The following IGF2BP2 variants were observed in gnomAD, a reference collection of about 807,000 sequenced individuals.
IGF2BP2 encodes the protein insulin-like growth factor 2 mRNA-binding protein 2.
Under a neutral mutation model 75.8 loss-of-function variants are expected in IGF2BP2, and 17 were observed. The observed-to-expected ratio is 0.22, with a 90% CI of 0.15 to 0.34. The LOEUF (loss-of-function observed/expected upper bound fraction) is 0.34. Among genes scored for constraint, IGF2BP2 ranks in the 10% least tolerant of loss-of-function variants. IGF2BP2 has a pLI of 1.00. For missense variants in IGF2BP2, 516 were observed against 772.4 expected (o/e 0.67, Z 3.93); for synonymous variants, 288 against 295.6 (o/e 0.97, Z 0.26).
chr3:185,663,861 A>G (rs1375664975), intron 10 of IGF2BP2, among the ~76,000 whole-genome samples: 1 of 152,170 alleles, frequency 6.6e-6, no homozygotes, highest in African/African-American at 2.4e-5. Context: ...CTTGGTCATG[A>G]TGAATGGTCT....
chr3:185,786,066 C>T (rs1054440552), intron 2 of IGF2BP2, among the ~76,000 whole-genome samples: 6 of 148,302 alleles, frequency 4.0e-5, no homozygotes, highest in Non-Finnish European at 7.4e-5. Flanking sequence ...TATCGCTCCC[C>T]TAATGAGCTA....
intron 2 of IGF2BP2, among the ~76,000 whole-genome samples, chr3:185,715,299 A>C (rs1483221376): frequency 6.6e-6 from 1 of 152,214 alleles, no homozygotes; most frequent in African/African-American, 2.4e-5. Context: ...GAAAGGCAAG[A>C]GAGCAGGCTG....
At position 185,753,944 on chromosome 3, in the gene IGF2BP2, C is replaced by A. The variant is rs9833714; in HGVS notation, c.240-55597G>T. ...TGATGCCAGGTGCAGTGGCTCACAC[C>A]TGTAATCCCAGCACTTTGGGAGGCT... is the stretch of plus-strand genomic sequence containing the variant. On this transcript the variant is annotated intron_variant, in intron 2 of 15. Transcript: ENST00000382199. 7.1e-3 allele frequency among the ~76,000 whole-genome samples: 1,086 copies of A among 152,168 alleles called. 17 individuals carry two copies. Among genetic ancestry groups the A allele is most frequent in the African/African-American group, 0.024 (980 of 41,508 alleles).
At chr3:185,751,876 T>C (rs1312454918) in intron 2 of IGF2BP2, among the ~76,000 whole-genome samples, 1 of 151,642 alleles carries the variant, frequency 6.6e-6, no homozygotes, top group Non-Finnish European at 1.5e-5. Context: ...GGCAGGAGAA[T>C]GGCAGGAACC....
intron 2 of IGF2BP2, among the ~76,000 whole-genome samples, chr3:185,803,829 T>C (rs796951166): frequency 7.2e-5 from 11 of 152,340 alleles, no homozygotes; most frequent in African/African-American, 2.6e-4. Context: ...ATAAGCTATT[T>C]AAACACATTT....
At chr3:185,679,028 GTC>G (rs1379411284) in intron 7 of IGF2BP2, among the ~76,000 whole-genome samples, 1 of 152,120 alleles carries the variant, frequency 6.6e-6, no homozygotes, top group Non-Finnish European at 1.5e-5. Flanking sequence ...TCTAAAAGGA[GTC>G]TCTTGTAGGC....
At chr3:185,805,582 T>C (rs66513933) in intron 2 of IGF2BP2, among the ~76,000 whole-genome samples, 49,191 of 151,796 alleles carry the variant, frequency 0.32, 8,505 homozygotes, top group African/African-American at 0.45. Context: ...AGAAAAAAAG[T>C]TGTTGAGGAA....
At chr3:185,812,262 T>C (rs947193764) in intron 2 of IGF2BP2, among the ~76,000 whole-genome samples, 1 of 152,174 alleles carries the variant, frequency 6.6e-6, no homozygotes. Flanking sequence ...CAAAAACTTG[T>C]TTTCGATGAA....
chr3:185,794,466 G>T (rs1737068909), intron 2 of IGF2BP2, among the ~76,000 whole-genome samples: 1 of 70,658 alleles, frequency 1.4e-5, no homozygotes, highest in Admixed American at 1.1e-4. Flanking sequence ...CAGCCCAATG[G>T]GGGATCACAG....
chr3:185,691,279 G>A (rs1721919108), intron 5 of IGF2BP2, among the ~76,000 whole-genome samples: 1 of 150,380 alleles, frequency 6.6e-6, no homozygotes, highest in African/African-American at 2.5e-5. Flanking sequence ...TGTATTTTTA[G>A]TAGAGATGGG....
chr3:185,762,561 A>G (rs1732525042), intron 2 of IGF2BP2, among the ~76,000 whole-genome samples: 1 of 151,688 alleles, frequency 6.6e-6, no homozygotes, highest in Non-Finnish European at 1.5e-5. Flanking sequence ...AAGAAAAAGA[A>G]AAAGAGACAC....
At chr3:185,646,795 C>A (rs1013240603) in intron 15 of IGF2BP2, 3 of 556,540 alleles carry the variant, frequency 5.4e-6, no homozygotes, top group African/African-American at 3.8e-5. Flanking sequence ...ACTCTTCACT[C>A]TTCCCCAAGC....
At chr3:185,744,595 G>A (rs1729998998) in intron 2 of IGF2BP2, among the ~76,000 whole-genome samples, 1 of 152,098 alleles carries the variant, frequency 6.6e-6, no homozygotes, top group South Asian at 2.1e-4. Flanking sequence ...ATCACTTGAG[G>A]CCAGGAGTTT....
chr3:185,742,818 C>T (rs755277973), intron 2 of IGF2BP2, among the ~76,000 whole-genome samples: 2 of 152,118 alleles, frequency 1.3e-5, no homozygotes, highest in African/African-American at 4.8e-5. Flanking sequence ...AACTGCATTG[C>T]GGCCAGGCAC....
At chr3:185,657,761 T>C (rs532955802) in intron 11 of IGF2BP2, among the ~76,000 whole-genome samples, 20 of 152,334 alleles carry the variant, frequency 1.3e-4, no homozygotes, top group African/African-American at 4.6e-4. Flanking sequence ...TAAACATACC[T>C]GGCCTGAAGA....
intron 2 of IGF2BP2, among the ~76,000 whole-genome samples, chr3:185,783,853 T>C (rs796251375): frequency 3.5e-4 from 53 of 152,324 alleles, no homozygotes; most frequent in African/African-American, 1.2e-3. Flanking sequence ...AGCAAACATA[T>C]AGTAGAGTAC....
rs35121167 is a variant in IGF2BP2 at position 185,804,992 on chromosome 3, C to CAA, written c.239+18159_239+18160dup. On this transcript the variant is annotated intron_variant, in intron 2 of 15. Transcript: ENST00000382199. Reference sequence around the variant, plus strand: ...TGGGTGACAGAGCAAGACTCCGTCTCAAAAAAAAAAAAAAAAATTACAGTC... The same window carrying CAA: ...TGGGTGACAGAGCAAGACTCCGTCTCAAAAAAAAAAAAAAAAAAATTACAGTC... 3.9e-3 allele frequency among the ~76,000 whole-genome samples: 449 copies of CAA among 114,560 alleles called. 1 individual carries two copies. Among genetic ancestry groups the CAA allele is most frequent in the African/African-American group, 0.012 (406 of 32,826 alleles). 75.2% of individuals were successfully genotyped at this position (114,560 alleles called of 152,430 possible). A position where few individuals can be genotyped will look rare whatever the true frequency, so the allele number is the denominator to read the frequency against.
chr3:185,757,459 CTTTTT>C (rs57417087), intron 2 of IGF2BP2, among the ~76,000 whole-genome samples: 8 of 99,612 alleles, frequency 8.0e-5, no homozygotes, highest in African/African-American at 1.2e-4. Context: ...ATATCTCATA[CTTTTT>C]TTTTTTTTTT....
At chr3:185,731,838 C>T (rs1347243778) in intron 2 of IGF2BP2, among the ~76,000 whole-genome samples, 4 of 151,992 alleles carry the variant, frequency 2.6e-5, no homozygotes, top group South Asian at 2.1e-4. Context: ...AATAATTAGC[C>T]GGGCGTCGGG....
Sources: gnomAD v4.1 joint callset for allele counts (sites outside exome capture counted in the v4.1 genomes callset) on GRCh38, gnomAD v4.1.1 for gene constraint, MANE v1.5 for transcripts, NCBI Gene and HGNC (gene_info 2026-07-23, HGNC 2026-07-21) for gene names.